The following FOXP1 variants were observed in gnomAD, a reference collection of about 807,000 sequenced individuals.
The protein encoded by FOXP1 is forkhead box P1, also known as forkhead box protein P1.
In FOXP1, 15 loss-of-function variants were observed where a neutral mutation model predicts 98.2. The ratio of observed to expected loss-of-function variants is 0.15; its 90% CI spans 0.10 to 0.24. The LOEUF is 0.24. FOXP1 is among the 10% of genes least tolerant of loss of function. The pLI is 1.00. For missense variants in FOXP1, 633 were observed against 848.5 expected, an observed-to-expected ratio of 0.75 and a Z score of 3.15; for synonymous variants, 371 against 314.5, an observed-to-expected ratio of 1.18 and a Z score of -1.90.
chr3:70,962,520 C>G (rs1487484183), intron 20 of FOXP1, among the ~76,000 whole-genome samples: 6 of 152,194 alleles, frequency 3.9e-5, no homozygotes, highest in Non-Finnish European at 8.8e-5. Flanking sequence ...ACAAGGTAAG[C>G]TCAGGTTACC....
chr3:71,295,858 T>C (rs1425516493), intron 5 of FOXP1, among the ~76,000 whole-genome samples: 2 of 152,230 alleles, frequency 1.3e-5, no homozygotes, highest in African/African-American at 2.4e-5. Flanking sequence ...TTGTGACCAG[T>C]GCATCCCTCT....
chr3:71,183,165 T>A (rs1212029633), intron 6 of FOXP1, among the ~76,000 whole-genome samples: 1 of 152,132 alleles, frequency 6.6e-6, no homozygotes, highest in East Asian at 1.9e-4. Context: ...TTCCTGGTGA[T>A]GATGATCATG....
intron 3 of FOXP1, among the ~76,000 whole-genome samples, chr3:71,479,421 A>G (rs1048808131): frequency 2.0e-5 from 3 of 152,212 alleles, no homozygotes; most frequent in African/African-American, 4.8e-5. Context: ...GGACACATCA[A>G]TAAAATATAT....
intron 11 of FOXP1, among the ~76,000 whole-genome samples, chr3:71,026,752 G>C (rs979897959): frequency 4.6e-5 from 7 of 152,292 alleles, no homozygotes; most frequent in African/African-American, 1.7e-4. Flanking sequence ...TGGGCAAAAT[G>C]TGCCATCTTG....
intron 5 of FOXP1, among the ~76,000 whole-genome samples, chr3:71,247,517 T>G (rs2067846769): frequency 6.6e-6 from 1 of 152,170 alleles, no homozygotes; most frequent in Admixed American, 6.5e-5. Flanking sequence ...GAGAGAGGTG[T>G]GCTGCTGCTG....
intron 5 of FOXP1, among the ~76,000 whole-genome samples, chr3:71,209,469 A>G (rs954653119): frequency 6.6e-6 from 1 of 152,232 alleles, no homozygotes; most frequent in Non-Finnish European, 1.5e-5. Flanking sequence ...ACAGATGCAG[A>G]GCATTCTCAA....
At chr3:70,984,159 C>T (rs1339287943) in intron 14 of FOXP1, among the ~76,000 whole-genome samples, 3 of 152,190 alleles carry the variant, frequency 2.0e-5, no homozygotes, top group Non-Finnish European at 4.4e-5. Context: ...CTTAGGGCTG[C>T]TCTGGTCAAC....
chr3:71,038,560 G>T (rs1338656996), intron 11 of FOXP1, among the ~76,000 whole-genome samples: 1 of 152,052 alleles, frequency 6.6e-6, no homozygotes, highest in African/African-American at 2.4e-5. Context: ...GTATTTAACT[G>T]GTTATCACAC....
Position 71,545,182 on chromosome 3 carries a change from A to T in FOXP1, c.-298+36367T>A, listed in dbSNP as rs568439325. Among the ~76,000 whole-genome samples, 3 of 152,288 alleles carry T rather than the reference A, an allele frequency of 2.0e-5. No individual in the cohort carries two copies. In the South Asian group the frequency reaches 6.2e-4, roughly 32 times the overall value. ...GAAAAAAATCAGCATGCTGTCATGGAAATACCACTGGTCTGAGGGAGAGAA... is the reference window on the plus strand; with the variant it reads ...GAAAAAAATCAGCATGCTGTCATGGTAATACCACTGGTCTGAGGGAGAGAA... On this transcript the variant is annotated intron_variant, in intron 2 of 20. Transcript: ENST00000649528.
At chr3:71,275,877 C>A (rs1465381238) in intron 5 of FOXP1, among the ~76,000 whole-genome samples, 3 of 152,080 alleles carry the variant, frequency 2.0e-5, no homozygotes, top group Non-Finnish European at 2.9e-5. Flanking sequence ...TTTCCCCGTC[C>A]TTTCCTACCT....
chr3:71,583,690 A>G lies in FOXP1; in HGVS notation c.-566T>C. 1.0e-6 allele frequency: 1 copy of G among 984,540 alleles called. No individual in the cohort carries two copies. The highest frequency in any genetic ancestry group is 4.7e-5 in the South Asian group (1 of 21,276). 61.0% of individuals were successfully genotyped at this position (984,540 alleles called of 1,614,324 possible). On this transcript the variant is annotated 5_prime_UTR_variant, in exon 1 of 21. Transcript: ENST00000649528. ...CTCACTCGCGCACACACGCGCGCAC[A>G]CACGCACTCCCGGGCGAGGGCCGGG...
At chr3:71,413,197 CCACCCCCCCAAATAGACACACACA>C (rs1577370866) in intron 3 of FOXP1, among the ~76,000 whole-genome samples, 1 of 72,554 alleles carries the variant, frequency 1.4e-5, no homozygotes, top group Admixed American at 1.7e-4. Context: ...CACACACACA[CCACCCCCCCAAATAGACACACACA>C]CACCCCCCCA....
At chr3:71,550,005 C>T (rs925126461) in intron 2 of FOXP1, among the ~76,000 whole-genome samples, 1 of 150,652 alleles carries the variant, frequency 6.6e-6, no homozygotes, top group Non-Finnish European at 1.5e-5. Context: ...ATTTTTAAAA[C>T]TATAACTACA....
intron 6 of FOXP1, among the ~76,000 whole-genome samples, chr3:71,191,727 A>G (rs1025905067): frequency 6.6e-6 from 1 of 152,188 alleles, no homozygotes; most frequent in Non-Finnish European, 1.5e-5. Flanking sequence ...TTTTCTAGAA[A>G]CAGCCCCAAA....
intron 4 of FOXP1, among the ~76,000 whole-genome samples, chr3:71,321,823 A>T (rs894598090): frequency 3.9e-5 from 6 of 151,940 alleles, no homozygotes; most frequent in African/African-American, 1.5e-4. Flanking sequence ...AGGTTTCATC[A>T]TGTTAGCCAG....
chr3:71,209,799 A>G (rs2064317801), intron 5 of FOXP1, among the ~76,000 whole-genome samples: 1 of 152,224 alleles, frequency 6.6e-6, no homozygotes, highest in Non-Finnish European at 1.5e-5. Context: ...CAATTAAAAC[A>G]TTAGTTTCAA....
chr3:71,284,979 C>T (rs1278943791), intron 5 of FOXP1, among the ~76,000 whole-genome samples: 1 of 152,032 alleles, frequency 6.6e-6, no homozygotes, highest in Non-Finnish European at 1.5e-5. Context: ...AAAAAATTAA[C>T]TTCATAAGAA....
Position 71,057,148 on chromosome 3 carries a change from C to T in FOXP1, c.283-3375G>A, listed in dbSNP as rs72947409. On this transcript the variant is annotated intron_variant, in intron 7 of 20. Coordinates refer to ENST00000649528, the MANE Select transcript of FOXP1 (RefSeq NM_001349338.3). ...AGTGCTTTAGCACTGAGAAATATGG[C>T]CAAAGCTTCAAAATTACACTTTGAT... Among the ~76,000 whole-genome samples the T allele has an allele frequency of 7.8e-3, 1,183 of 152,176 alleles. 14 individuals are homozygous for T. Among genetic ancestry groups the T allele is most frequent in the African/African-American group, 0.027 (1,128 of 41,516 alleles).
chr3:71,238,341 C>G (rs2066966823), intron 5 of FOXP1, among the ~76,000 whole-genome samples: 1 of 152,162 alleles, frequency 6.6e-6, no homozygotes, highest in African/African-American at 2.4e-5. Context: ...TCTGTGAAAA[C>G]AGAGTATGTA....
Sources: allele counts gnomAD v4.1 joint callset (sites outside exome capture counted in the v4.1 genomes callset), GRCh38; gene constraint gnomAD v4.1.1; transcripts MANE v1.5; gene names NCBI Gene and HGNC (gene_info 2026-07-23, HGNC 2026-07-21).